The following MAML3 variants were observed in gnomAD, a reference collection of about 807,000 sequenced individuals.
The protein encoded by MAML3 is mastermind-like protein 3.
In MAML3, 27 loss-of-function variants were observed where a neutral mutation model predicts 101.9. The observed-to-expected ratio is 0.27, with a 90% CI of 0.20 to 0.37. The LOEUF is 0.37. Ranked by LOEUF, MAML3 falls within the 10% of genes least tolerant of loss-of-function variation. The probability of loss-of-function intolerance (pLI) is 1.00; values close to 1 mark genes in which losing one functional copy is unlikely to be tolerated. For synonymous variants in MAML3, 501 were observed against 555.9 expected, an observed-to-expected ratio of 0.90 and a Z score of 1.39; for missense variants, 1,316 against 1,444.9, an observed-to-expected ratio of 0.91 and a Z score of 1.45.
At chr4:139,790,531 T>C (rs1578602614) in intron 2 of MAML3, among the ~76,000 whole-genome samples, 1 of 151,990 alleles carries the variant, frequency 6.6e-6, no homozygotes, top group Admixed American at 6.6e-5. Flanking sequence ...ACTGTATCCA[T>C]TAACAATAAC....
At chr4:140,028,418 T>C (rs922872777) in intron 1 of MAML3, among the ~76,000 whole-genome samples, 1 of 152,202 alleles carries the variant, frequency 6.6e-6, no homozygotes. Context: ...AGTGTCTGTC[T>C]GTCTGTTTCT....
chr4:140,074,688 T>C (rs1256851021), intron 1 of MAML3, among the ~76,000 whole-genome samples: 1 of 152,192 alleles, frequency 6.6e-6, no homozygotes, highest in African/African-American at 2.4e-5. Context: ...TAGTGTTAAG[T>C]ACTTATGTGT....
intron 1 of MAML3, among the ~76,000 whole-genome samples, chr4:140,054,511 G>A (rs1727320426): frequency 6.6e-6 from 1 of 152,146 alleles, no homozygotes; most frequent in South Asian, 2.1e-4. Context: ...GTTTCTATGA[G>A]GATGGTGGTC....
intron 1 of MAML3, among the ~76,000 whole-genome samples, chr4:139,999,778 T>G (rs1002084804): frequency 2.6e-5 from 4 of 152,226 alleles, no homozygotes; most frequent in African/African-American, 4.8e-5. Context: ...AAACTGTGGA[T>G]TGTTTTCTTA....
intron 2 of MAML3, among the ~76,000 whole-genome samples, chr4:139,828,666 C>T (rs781444102): frequency 1.2e-4 from 17 of 146,358 alleles, no homozygotes; most frequent in Non-Finnish European, 1.9e-4. Flanking sequence ...TTCATGGAGA[C>T]GAAGGTTGAA....
chr4:139,995,095 A>G (rs4637342), intron 1 of MAML3, among the ~76,000 whole-genome samples: 22,569 of 151,972 alleles, frequency 0.15, 1,862 homozygotes, highest in South Asian at 0.27. Context: ...TTTATCATGG[A>G]TGGGTGTTGG....
chr4:139,719,765 G>T lies in MAML3; in HGVS notation c.2975C>A (p.Ala992Asp). Residue 992 changes from alanine (A) to aspartate (D), a missense_variant, in exon 5 of 5, where the codon GCT (alanine) becomes GAT (aspartate). Transcript: ENST00000509479. Reference sequence around the variant, plus strand: ...CTGCTTGGTCAGTCTCGGCTGCCCAGCTTGAAGAGGGTAGCTGGCGCCATT... The same window carrying T: ...CTGCTTGGTCAGTCTCGGCTGCCCATCTTGAAGAGGGTAGCTGGCGCCATT... ...FNNGASYPLQAGQPRLTKQHF... is the reference protein window; with the variant it reads ...FNNGASYPLQDGQPRLTKQHF... 1 of 1,613,718 alleles carries T rather than the reference G, an allele frequency of 6.2e-7. No individual in the cohort carries two copies. Among genetic ancestry groups the T allele is most frequent in the Non-Finnish European group, 8.5e-7 (1 of 1,179,864 alleles).
intron 2 of MAML3, among the ~76,000 whole-genome samples, chr4:139,823,389 A>T (rs528933186): frequency 6.6e-6 from 1 of 152,226 alleles, no homozygotes; most frequent in East Asian, 1.9e-4. Flanking sequence ...CTCTTTCATA[A>T]AGACACACAT....
At chr4:140,014,343 T>A (rs1578643276) in intron 1 of MAML3, among the ~76,000 whole-genome samples, 2 of 152,324 alleles carry the variant, frequency 1.3e-5, no homozygotes, top group African/African-American at 4.8e-5. Flanking sequence ...AGACACAATT[T>A]AAAATTAGAA....
At chr4:139,874,703 A>G (rs1040701018) in intron 2 of MAML3, among the ~76,000 whole-genome samples, 3 of 152,204 alleles carry the variant, frequency 2.0e-5, no homozygotes, top group Non-Finnish European at 4.4e-5. Flanking sequence ...AATTTTAAAA[A>G]CACAGTACAT....
chr4:139,775,413 G>A (rs1171914984), intron 2 of MAML3, among the ~76,000 whole-genome samples: 4 of 152,296 alleles, frequency 2.6e-5, no homozygotes, highest in Admixed American at 6.5e-5. Flanking sequence ...GTGACTGGGA[G>A]CTGCTGGGAC....
At chr4:139,878,817 G>A (rs986853917) in intron 2 of MAML3, among the ~76,000 whole-genome samples, 2 of 152,230 alleles carry the variant, frequency 1.3e-5, no homozygotes, top group Admixed American at 6.5e-5. Flanking sequence ...GTCTTGCTCT[G>A]AGGAGAACAG....
chr4:139,933,830 G>A (rs578152612), intron 1 of MAML3, among the ~76,000 whole-genome samples: 1 of 152,322 alleles, frequency 6.6e-6, no homozygotes, highest in East Asian at 1.9e-4. Context: ...TTGAAAACCA[G>A]GAGTAGCACA....
At position 139,720,308 on chromosome 4, in the gene MAML3, A is replaced by G. The variant is rs201956759; in HGVS notation, c.2432T>C (p.Ile811Thr). ...GGCTGCTTGGCTTCTTACGGCTGCTATATCCTGGGGAGAACCTGCAGTGAA... is the reference window on the plus strand; with the variant it reads ...GGCTGCTTGGCTTCTTACGGCTGCTGTATCCTGGGGAGAACCTGCAGTGAA... ...VNQFQGSPQDIAAVRSQAALQ... is the reference protein window; with the variant it reads ...VNQFQGSPQDTAAVRSQAALQ... The change falls in exon 5 of 5, where the codon ATA becomes ACA. Residue 811 changes from isoleucine to threonine, a missense_variant. By Grantham distance (89) the Ile-to-Thr change is moderately conservative (BLOSUM62 -1). Coordinates refer to ENST00000509479, the MANE Select transcript of MAML3 (RefSeq NM_018717.5). 5.0e-4 allele frequency: 766 copies of G among 1,546,200 alleles called. 4 individuals are homozygous for G. Among genetic ancestry groups the G allele is most frequent in the Non-Finnish European group, 3.4e-5 (39 of 1,144,696 alleles).
In MAML3 at chr4:139,719,366, TC is replaced by T; in HGVS notation, c.3373del (p.Asp1125ThrfsTer32). ...VDSIIKGGPG[D>X]EWMQELDELF... ...TTCATCAAGCTCCTGCATCCACTCGTCCCCTGGCCCGCCTTTGATGATGGAG... is the reference window on the plus strand; with the variant it reads ...TTCATCAAGCTCCTGCATCCACTCGTCCCTGGCCCGCCTTTGATGATGGAG... On this transcript the variant is annotated frameshift_variant, in exon 5 of 5. Transcript: ENST00000509479. LOFTEE classifies it high-confidence loss of function. 2 of 1,609,518 alleles carry T rather than the reference TC, an allele frequency of 1.2e-6. No individual in the cohort carries two copies. The highest frequency in any genetic ancestry group is 1.7e-6 in the Non-Finnish European group (2 of 1,177,014).
Position 139,720,252 on chromosome 4 carries a change from C to A in MAML3, c.2488G>T (p.Ala830Ser). 1 of 1,600,650 alleles carries A rather than the reference C, an allele frequency of 6.2e-7. No homozygotes were observed. Among genetic ancestry groups the A allele is most frequent in the Admixed American group, 1.7e-5 (1 of 59,408 alleles). The change falls in exon 5 of 5, where the codon GCA becomes TCA. Residue 830 changes from alanine to serine, a missense_variant. Ala to Ser is a moderately conservative substitution (Grantham distance 99). Coordinates refer to ENST00000509479, the MANE Select transcript of MAML3 (RefSeq NM_018717.5). ...ATTCCCATCATGCCTGCGTTCTGTGCCATCAGCCGTGACGTTCGCATGCTC... is the reference window on the plus strand; with the variant it reads ...ATTCCCATCATGCCTGCGTTCTGTGACATCAGCCGTGACGTTCGCATGCTC... ...LQSMRTSRLM[A>S]QNAGMMGIGP... is the part of the protein sequence containing the mutation.
rs61573991 is a variant in MAML3 at position 139,927,072 on chromosome 4, C to CTT, written c.469-36107_469-36106dup. Among the ~76,000 whole-genome samples the CTT allele has an allele frequency of 8.1e-3, 1,093 of 134,714 alleles. 14 individuals are homozygous for CTT. The highest frequency in any genetic ancestry group is 0.024 in the African/African-American group (874 of 35,726). The allele number at this position is 134,714 out of a possible 152,430, so 88.4% of individuals were successfully genotyped here. On this transcript the variant is annotated intron_variant, in intron 1 of 4. Coordinates refer to ENST00000509479, the MANE Select transcript of MAML3 (RefSeq NM_018717.5). ...TGTTTAATGAGTTTTTTTCTTTTTT[C>CTT]TTTTTTTTTTTTTTGTACTTTTTGT... is the stretch of plus-strand genomic sequence containing the variant.
At chr4:139,751,952 G>C (rs188817004) in intron 2 of MAML3, among the ~76,000 whole-genome samples, 5 of 152,182 alleles carry the variant, frequency 3.3e-5, no homozygotes, top group African/African-American at 1.2e-4. Context: ...CATATAAAAG[G>C]AAGCCTGTAT....
intron 1 of MAML3, among the ~76,000 whole-genome samples, chr4:140,135,038 G>C (rs1728861528): frequency 6.6e-6 from 1 of 152,196 alleles, no homozygotes; most frequent in South Asian, 2.1e-4. Flanking sequence ...CAGAGGTGTT[G>C]AAGTCATAAA....
Sources: allele counts gnomAD v4.1 joint callset (sites outside exome capture counted in the v4.1 genomes callset), GRCh38; gene constraint gnomAD v4.1.1; transcripts MANE v1.5; gene names NCBI Gene and HGNC (gene_info 2026-07-23, HGNC 2026-07-21).